Variants in SEMA6D observed in about 807,000 individuals in gnomAD.
The protein encoded by SEMA6D is semaphorin 6D.
In SEMA6D, 35 loss-of-function variants were observed where a neutral mutation model predicts 106.6. That is an observed-to-expected ratio of 0.33 (90% CI 0.25 to 0.44). The LOEUF is 0.44. Among genes scored for constraint, SEMA6D ranks in the 20% least tolerant of loss-of-function variants. SEMA6D has a pLI of 1.00. For missense variants in SEMA6D, 1,185 were observed against 1,345.9 expected (o/e 0.88, Z 1.87); for synonymous variants, 499 against 487.7 (o/e 1.02, Z -0.31).
intron 3 of SEMA6D, among the ~76,000 whole-genome samples, chr15:47,503,277 T>C (rs896235889): frequency 5.9e-5 from 9 of 152,246 alleles, no homozygotes; most frequent in African/African-American, 2.2e-4. Context: ...AATATACACC[T>C]GAGTCACCAT....
At chr15:47,518,503 G>T (rs557709403) in intron 3 of SEMA6D, among the ~76,000 whole-genome samples, 1 of 152,108 alleles carries the variant, frequency 6.6e-6, no homozygotes, top group Non-Finnish European at 1.5e-5. Context: ...AATCTAAATG[G>T]TATAGCCCAT....
chr15:47,706,475 G>T (rs2078914493), intron 4 of SEMA6D, among the ~76,000 whole-genome samples: 1 of 152,128 alleles, frequency 6.6e-6, no homozygotes. Flanking sequence ...GAAATGGTTT[G>T]CATGAAATTG....
At chr15:47,289,641 G>T (rs1218078233) in intron 1 of SEMA6D, among the ~76,000 whole-genome samples, 1 of 152,008 alleles carries the variant, frequency 6.6e-6, no homozygotes, top group Non-Finnish European at 1.5e-5. Flanking sequence ...TTAAACAATG[G>T]AGTGTGTTCA....
intron 1 of SEMA6D, among the ~76,000 whole-genome samples, chr15:47,288,527 T>C (rs1194445321): frequency 6.6e-6 from 1 of 152,182 alleles, no homozygotes; most frequent in Admixed American, 6.5e-5. Flanking sequence ...TAGTAAATAG[T>C]GGAGCTAGAA....
chr15:47,644,687 G>C (rs2077549215), intron 4 of SEMA6D, among the ~76,000 whole-genome samples: 1 of 152,196 alleles, frequency 6.6e-6, no homozygotes, highest in African/African-American at 2.4e-5. Flanking sequence ...CCAGCACCTT[G>C]ATCTCAGACT....
intron 1 of SEMA6D, among the ~76,000 whole-genome samples, chr15:47,309,872 C>G (rs1002367701): frequency 2.0e-5 from 3 of 152,172 alleles, no homozygotes; most frequent in South Asian, 4.1e-4. Context: ...AGTATGCTTT[C>G]TACAGAATGT....
At chr15:47,264,680 C>CT (rs1286234567) in intron 1 of SEMA6D, among the ~76,000 whole-genome samples, 2 of 151,850 alleles carry the variant, frequency 1.3e-5, no homozygotes, top group Non-Finnish European at 2.9e-5. Context: ...TGGTTTCTTT[C>CT]TTTTTTTAGA....
chr15:47,503,340 AAAAC>A (rs1311283696), intron 3 of SEMA6D, among the ~76,000 whole-genome samples: 2 of 152,220 alleles, frequency 1.3e-5, no homozygotes, highest in East Asian at 3.9e-4. Context: ...GTCAGAAAGA[AAAAC>A]AAAGTGAGAA....
chr15:47,247,797 A>T (rs1021991516), intron 1 of SEMA6D, among the ~76,000 whole-genome samples: 1 of 152,188 alleles, frequency 6.6e-6, no homozygotes, highest in East Asian at 1.9e-4. Flanking sequence ...TCCATCAGTC[A>T]CTTTACCATT....
chr15:47,771,904 A>G lies in SEMA6D; in HGVS notation c.*119A>G. 1 of 1,107,042 alleles carries G rather than the reference A, an allele frequency of 9.0e-7. No individual in the cohort carries two copies. The highest frequency in any genetic ancestry group is 1.3e-6 in the Non-Finnish European group (1 of 768,940). The allele number at this position is 1,107,042 out of a possible 1,614,324, so 68.6% of individuals were successfully genotyped here. On this transcript the variant is annotated 3_prime_UTR_variant, in exon 19 of 19. Transcript: ENST00000536845. ...TATTTTAAGAGAACCAAGTGGCCAA[A>G]GAAACTCTTTCTAACTTTGGCAACA...
intron 4 of SEMA6D, among the ~76,000 whole-genome samples, chr15:47,699,938 G>T (rs528286186): frequency 6.6e-6 from 1 of 152,308 alleles, no homozygotes; most frequent in South Asian, 2.1e-4. Flanking sequence ...AAGGTTGCAG[G>T]ATGCAAGGTT....
chr15:47,424,377 G>A (rs2041265624), intron 2 of SEMA6D, among the ~76,000 whole-genome samples: 1 of 151,760 alleles, frequency 6.6e-6, no homozygotes, highest in Non-Finnish European at 1.5e-5. Context: ...GTTTTGAAAA[G>A]AAAAAATTAA....
At chr15:47,198,856 C>T (rs535214712) in intron 1 of SEMA6D, among the ~76,000 whole-genome samples, 3 of 152,206 alleles carry the variant, frequency 2.0e-5, no homozygotes, top group African/African-American at 7.2e-5. Context: ...GACACGTATA[C>T]GTCAATATGT....
At chr15:47,450,356 A>C (rs890440874) in intron 2 of SEMA6D, among the ~76,000 whole-genome samples, 1 of 152,010 alleles carries the variant, frequency 6.6e-6, no homozygotes, top group Non-Finnish European at 1.5e-5. Context: ...CCTCCAGTAT[A>C]CTGATCAGGA....
chr15:47,430,656 A>T (rs187458998), intron 2 of SEMA6D, among the ~76,000 whole-genome samples: 191 of 152,084 alleles, frequency 1.3e-3, no homozygotes, highest in Non-Finnish European at 2.4e-3. Flanking sequence ...GAAAGAGCAT[A>T]TGTTTCCTTT....
chr15:47,702,478 AC>A (rs1471150613), intron 4 of SEMA6D, among the ~76,000 whole-genome samples: 1 of 152,180 alleles, frequency 6.6e-6, no homozygotes, highest in East Asian at 1.9e-4. Flanking sequence ...ACAAAACTAA[AC>A]ATATGCTTAC....
rs141128466 is a variant in SEMA6D, at chr15:47,322,091, C to T, written c.-238-90302C>T. 4.1e-3 allele frequency among the ~76,000 whole-genome samples: 627 copies of T among 152,100 alleles called. 2 individuals carry two copies. The highest frequency in any genetic ancestry group is 0.01 in the Middle Eastern group (3 of 294). The stretch of plus-strand genomic sequence containing the variant: ...ATAAGACTCCAACCCAGAAGGCAGG[C>T]GGATGGCAATTTTCCCCCATTTTAA... On this transcript the variant is annotated intron_variant, in intron 1 of 19. Transcript: ENST00000558014.
intron 3 of SEMA6D, among the ~76,000 whole-genome samples, chr15:47,510,037 CCTT>C (rs1283421460): frequency 1.3e-5 from 2 of 152,180 alleles, no homozygotes; most frequent in Non-Finnish European, 2.9e-5. Context: ...CTTTCCTTCT[CCTT>C]CATAAATGCT....
chr15:47,278,248 G>A lies in SEMA6D; in HGVS notation c.-239+93830G>A, dbSNP rs1345444144. ...CCACCAACAGTGTAAAAGTGTTCCT[G>A]TTTCTCCACATCCTCTCCAGCACCT... On this transcript the variant is annotated intron_variant, in intron 1 of 19. Coordinates refer to the SEMA6D transcript ENST00000558014. Among the ~76,000 whole-genome samples the A allele has an allele frequency of 8.9e-4, 136 of 152,178 alleles. 1 individual carries two copies. Among genetic ancestry groups the A allele is most frequent in the South Asian group, 2.7e-3 (13 of 4,814 alleles).
Sources: gnomAD v4.1 joint callset for allele counts (sites outside exome capture counted in the v4.1 genomes callset) on GRCh38, gnomAD v4.1.1 for gene constraint, MANE v1.5 for transcripts, NCBI Gene and HGNC (gene_info 2026-07-23, HGNC 2026-07-21) for gene names.